SSBP3: variants seen among roughly 807,000 people sequenced by gnomAD.
SSBP3 encodes the protein single stranded DNA binding protein 3, also known as single-stranded DNA-binding protein 3.
SSBP3 carries 5 observed loss-of-function variants against 69.6 expected under a neutral mutation model. The ratio of observed to expected loss-of-function variants is 0.07; its 90% confidence interval spans 0.04 to 0.15. The LOEUF is 0.15. Ranked by LOEUF, SSBP3 falls within the 10% of genes least tolerant of loss-of-function variation. The pLI is 1.00. For missense variants in SSBP3, 312 were observed against 534.0 expected, an observed-to-expected ratio of 0.58 and a Z score of 4.10; for synonymous variants, 196 against 193.4, an observed-to-expected ratio of 1.01 and a Z score of -0.11.
At chr1:54,254,696 G>A (rs1644888463) in intron 7 of SSBP3, among the ~76,000 whole-genome samples, 1 of 152,212 alleles carries the variant, frequency 6.6e-6, no homozygotes, top group African/African-American at 2.4e-5. Context: ...TCTGTTAACT[G>A]GCAGACCCAA....
chr1:54,331,353 G>A (rs879528712), intron 4 of SSBP3, among the ~76,000 whole-genome samples: 4 of 152,144 alleles, frequency 2.6e-5, no homozygotes, highest in Admixed American at 2.6e-4. Context: ...CGCCCTTCAC[G>A]TCCAGATACT....
intron 4 of SSBP3, among the ~76,000 whole-genome samples, chr1:54,369,982 A>C (rs543906011): frequency 1.5e-4 from 23 of 152,350 alleles, no homozygotes; most frequent in African/African-American, 5.3e-4. Flanking sequence ...AATGTGGAGT[A>C]GAACTCAAGA....
chr1:54,410,378 C>G (rs1216028609), upstream of SSBP3, among the ~76,000 whole-genome samples: 1 of 152,194 alleles, frequency 6.6e-6, no homozygotes, highest in African/African-American at 2.4e-5. Flanking sequence ...TGAACTCAAC[C>G]CAGGAGACTG....
chr1:54,228,927 A>T, intron 14 of SSBP3, 101 bp from the exon 15 acceptor site: 1 of 1,260,110 alleles, frequency 7.9e-7, no homozygotes, highest in Non-Finnish European at 1.1e-6. Context: ...GGCCCTGGGG[A>T]ACCCCTGCTC....
intron 4 of SSBP3, among the ~76,000 whole-genome samples, chr1:54,328,323 C>T (rs568233263): frequency 4.6e-5 from 7 of 152,316 alleles, no homozygotes; most frequent in East Asian, 3.9e-4. Context: ...GTCGCCAGCA[C>T]GACCCACCTG....
In SSBP3 at chr1:54,385,384, C is replaced by T. The variant is rs899966155; in HGVS notation, c.276+16477G>A. ...AAAATGAATCAAGTTTTACAAGCTT[C>T]CCTATTTACCCAGGGCTACAAATCT... is the stretch of plus-strand genomic sequence containing the variant. On this transcript the variant is annotated intron_variant, in intron 4 of 17. Transcript: ENST00000610401. Among the ~76,000 whole-genome samples the T allele has an allele frequency of 3.9e-5, 6 of 152,150 alleles. 1 individual carries two copies. The highest frequency in any genetic ancestry group is 6.5e-5 in the Admixed American group (1 of 15,278).
At chr1:54,360,918 T>TAA (rs60254245) in intron 4 of SSBP3, among the ~76,000 whole-genome samples, 22,535 of 137,310 alleles carry the variant, frequency 0.16, 1,844 homozygotes, top group East Asian at 0.28. Flanking sequence ...TGTCTCTACT[T>TAA]AAAAAAAAAA....
Position 54,255,163 on chromosome 1 carries a change from G to T in SSBP3, c.507+1964C>A, listed in dbSNP as rs1033603102. Among the ~76,000 whole-genome samples the T allele has an allele frequency of 5.7e-5, 8 of 140,298 alleles. 2 individuals are homozygous for T. The highest frequency in any genetic ancestry group is 4.2e-4 in the Admixed American group (6 of 14,286). 92.0% of individuals were successfully genotyped at this position (140,298 alleles called of 152,430 possible). A position where few individuals can be genotyped will look rare whatever the true frequency, so the allele number is the denominator to read the frequency against. On this transcript the variant is annotated intron_variant, in intron 7 of 17. Coordinates refer to ENST00000610401, the Ensembl canonical transcript of SSBP3. ...AGATTTCTATTGCGGGGGGGCGGGG[G>T]GGGGGGTGGTTGGCAGGGAGGTTGG...
At chr1:54,318,649 C>T (rs1646157881) in intron 4 of SSBP3, among the ~76,000 whole-genome samples, 1 of 152,126 alleles carries the variant, frequency 6.6e-6, no homozygotes, top group Non-Finnish European at 1.5e-5. Flanking sequence ...CTGTAAGGAA[C>T]AGGACTGCCA....
At chr1:54,307,277 G>A (rs1483101935) in intron 4 of SSBP3, among the ~76,000 whole-genome samples, 4 of 151,786 alleles carry the variant, frequency 2.6e-5, no homozygotes, top group African/African-American at 7.3e-5. Flanking sequence ...GCAAACACCC[G>A]CTCTACTCTC....
chr1:54,324,314 G>T (rs1646264363), intron 4 of SSBP3, among the ~76,000 whole-genome samples: 1 of 152,202 alleles, frequency 6.6e-6, no homozygotes, highest in South Asian at 2.1e-4. Flanking sequence ...CAGGCAAGGG[G>T]TTGGTCCCTT....
intron 4 of SSBP3, among the ~76,000 whole-genome samples, chr1:54,321,716 G>A (rs1457745450): frequency 6.6e-6 from 1 of 152,218 alleles, no homozygotes; most frequent in Non-Finnish European, 1.5e-5. Flanking sequence ...AAGGACAACC[G>A]ACTAGCATCA....
At chr1:54,298,476 T>C (rs1052925016) in intron 4 of SSBP3, among the ~76,000 whole-genome samples, 5 of 152,114 alleles carry the variant, frequency 3.3e-5, no homozygotes, top group African/African-American at 7.2e-5. Context: ...AACCACAGAG[T>C]AATCTGATTT....
chr1:54,348,285 CAG>C (rs1452223775), intron 4 of SSBP3, among the ~76,000 whole-genome samples: 2 of 135,630 alleles, frequency 1.5e-5, no homozygotes, highest in Non-Finnish European at 3.1e-5. Context: ...TGGAAATTAG[CAG>C]AGAGTGGGCA....
intron 10 of SSBP3, 177 bp downstream of exon 10, chr1:54,243,058 C>G: frequency 3.0e-6 from 2 of 663,030 alleles, no homozygotes; most frequent in Non-Finnish European, 5.4e-6. Context: ...CACAGAGGCA[C>G]TCTATGAGGC....
intron 4 of SSBP3, among the ~76,000 whole-genome samples, chr1:54,335,281 AAT>A (rs1336829760): frequency 2.6e-5 from 4 of 152,358 alleles, no homozygotes; most frequent in African/African-American, 9.6e-5. Context: ...CTTGGAGAGC[AAT>A]ATGTTTCATT....
chr1:54,391,432 C>T (rs974404025), intron 4 of SSBP3, among the ~76,000 whole-genome samples: 1 of 152,200 alleles, frequency 6.6e-6, no homozygotes, highest in Non-Finnish European at 1.5e-5. Flanking sequence ...CAATAACTGC[C>T]CACCAACCAT....
intron 14 of SSBP3, chr1:54,237,691 C>G (rs1644523100): frequency 6.3e-6 from 1 of 158,650 alleles, no homozygotes; most frequent in Non-Finnish European, 1.4e-5. Context: ...TCACCGTTCT[C>G]ATTTTCATCA....
chr1:54,365,767 A>G (rs1220321097), intron 4 of SSBP3, among the ~76,000 whole-genome samples: 1 of 152,154 alleles, frequency 6.6e-6, no homozygotes, highest in Non-Finnish European at 1.5e-5. Flanking sequence ...CCTTGCTCAC[A>G]CTGGTTCCTG....
Sources: allele counts gnomAD v4.1 joint callset (sites outside exome capture counted in the v4.1 genomes callset), GRCh38; gene constraint gnomAD v4.1.1; transcripts MANE v1.5; gene names NCBI Gene and HGNC (gene_info 2026-07-23, HGNC 2026-07-21).